The following G2E3 variants were observed in gnomAD, a reference collection of about 807,000 sequenced individuals.
G2E3 encodes the protein G2/M phase-specific E3 ubiquitin-protein ligase.
A neutral mutation model predicts 92.8 loss-of-function variants in G2E3; 35 were observed. The ratio of observed to expected loss-of-function variants is 0.38; its 90% CI spans 0.29 to 0.50. G2E3 has a LOEUF of 0.50. G2E3 is among the 20% of genes least tolerant of loss of function. G2E3 has a pLI of 0.94. For missense variants in G2E3, 554 were observed against 823.8 expected (o/e 0.67, Z 4.01); for synonymous variants, 242 against 272.4 (o/e 0.89, Z 1.10).
chr14:30,599,753 A>AAAT (rs1359958383), intron 8 of G2E3, among the ~76,000 whole-genome samples: 1 of 151,884 alleles, frequency 6.6e-6, no homozygotes, highest in Non-Finnish European at 1.5e-5. Flanking sequence ...TTGGAAATAA[A>AAAT]AATATATGTT....
At position 30,592,428 on chromosome 14, in the gene G2E3, C is replaced by G. The variant is rs755446876; in HGVS notation, c.343C>G (p.Gln115Glu). ...PCGLQRECIF[Q>E]FTGNFASFCW... Reference sequence around the variant, plus strand: ...TGGACTTCAGAGAGAATGTATTTTCCAGTTTACTGGCAATTTTGCGTGAGT... The same window carrying G: ...TGGACTTCAGAGAGAATGTATTTTCGAGTTTACTGGCAATTTTGCGTGAGT... Residue 115 changes from glutamine (Q) to glutamate (E), a missense_variant, in exon 5 of 15, where the codon CAG (glutamine) becomes GAG (glutamate). Gln to Glu is a conservative substitution (Grantham distance 29, BLOSUM62 2). Transcript: ENST00000206595. 1.1e-5 allele frequency: 18 copies of G among 1,584,122 alleles called. No homozygotes were observed. The highest frequency in any genetic ancestry group is 1.5e-5 in the Non-Finnish European group (18 of 1,169,316).
At chr14:30,615,660 AT>A in intron 14 of G2E3, 121 bp downstream of exon 14, 1 of 505,192 alleles carries the variant, frequency 2.0e-6, no homozygotes, top group South Asian at 5.5e-5. Context: ...CTAACTCCGT[AT>A]TTACAAAAGA....
intron 12 of G2E3, among the ~76,000 whole-genome samples, chr14:30,610,783 G>A (rs1882052498): frequency 6.6e-6 from 1 of 152,164 alleles, no homozygotes; most frequent in African/African-American, 2.4e-5. Flanking sequence ...CCATTGTCTA[G>A]ATTTTAGGGT....
chr14:30,575,031 A>G (rs1477227210), intron 1 of G2E3, among the ~76,000 whole-genome samples: 1 of 152,140 alleles, frequency 6.6e-6, no homozygotes, highest in Non-Finnish European at 1.5e-5. Context: ...ACTAATTTAC[A>G]CTACCACCAA....
chr14:30,597,603 AT>A, intron 7 of G2E3, 77 bp downstream of exon 7: 1 of 837,246 alleles, frequency 1.2e-6, no homozygotes. Flanking sequence ...ATGATCACTT[AT>A]GTCTGATTCA....
intron 6 of G2E3, among the ~76,000 whole-genome samples, chr14:30,593,882 A>G (rs1373377769): frequency 2.0e-5 from 3 of 152,186 alleles, no homozygotes; most frequent in Non-Finnish European, 4.4e-5. Flanking sequence ...TACTTAAAGA[A>G]TTTTGTTGTT....
At chr14:30,605,367 C>T (rs1881780935) in intron 10 of G2E3, 138 bp from the exon 11 acceptor site, 1 of 443,666 alleles carries the variant, frequency 2.3e-6, no homozygotes, top group Non-Finnish European at 4.0e-6. Context: ...GCCATTGTTA[C>T]AATTTTGGGT....
intron 7 of G2E3, 143 bp from the exon 8 acceptor site, chr14:30,598,340 T>C: frequency 1.8e-6 from 1 of 561,698 alleles, no homozygotes; most frequent in Non-Finnish European, 3.2e-6. Flanking sequence ...TGACCTGAGA[T>C]TGCACCACTG....
intron 12 of G2E3, among the ~76,000 whole-genome samples, chr14:30,610,897 T>G (rs1444661245): frequency 6.6e-6 from 1 of 152,238 alleles, no homozygotes; most frequent in Non-Finnish European, 1.5e-5. Flanking sequence ...CTGATCTGAC[T>G]GCTTTCACGC....
intron 10 of G2E3, among the ~76,000 whole-genome samples, chr14:30,602,364 G>T (rs1413681461): frequency 4.3e-5 from 2 of 46,458 alleles, no homozygotes; most frequent in East Asian, 2.4e-3. Flanking sequence ...TGGGAAAAGT[G>T]TATCTATCCT....
chr14:30,567,901 A>G (rs1036331651), intron 1 of G2E3, among the ~76,000 whole-genome samples: 1 of 151,956 alleles, frequency 6.6e-6, no homozygotes. Context: ...ATTGGAGAGG[A>G]TATTTTGTGT....
chr14:30,585,854 G>A (rs1032926385), intron 2 of G2E3, among the ~76,000 whole-genome samples: 12 of 152,190 alleles, frequency 7.9e-5, no homozygotes, highest in African/African-American at 2.6e-4. Flanking sequence ...CCAGAGGTGA[G>A]AGCTTAGGAT....
chr14:30,604,582 ATGCTGC>A (rs148435440), intron 10 of G2E3, among the ~76,000 whole-genome samples: 70 of 151,678 alleles, frequency 4.6e-4, no homozygotes, highest in African/African-American at 1.7e-3. Context: ...TTCTGGGGTA[ATGCTGC>A]TGCTGCTGCT....
intron 1 of G2E3, among the ~76,000 whole-genome samples, chr14:30,578,041 TGAAG>T (rs745420254): frequency 6.6e-6 from 1 of 152,182 alleles, no homozygotes; most frequent in Admixed American, 6.5e-5. Flanking sequence ...TTCATATTCT[TGAAG>T]GAAAACATCT....
rs1881905455 is a variant in G2E3 at position 30,607,868 on chromosome 14, A to C, written c.1319-20A>C. The C allele has an allele frequency of 7.1e-7, 1 of 1,412,034 alleles. No individual in the cohort carries two copies. The highest frequency in any genetic ancestry group is 1.4e-5 in the African/African-American group (1 of 69,144). The allele number at this position is 1,412,034 out of a possible 1,614,324, so 87.5% of individuals were successfully genotyped here. Reference sequence around the variant, plus strand: ...ATAATAATAGAAGTGTATTTGATATATTTTCATCTGTATTTACAGCTCTGA... The same window carrying C: ...ATAATAATAGAAGTGTATTTGATATCTTTTCATCTGTATTTACAGCTCTGA... On this transcript the variant is annotated intron_variant, in intron 11 of 14. Coordinates refer to ENST00000206595, the MANE Select transcript of G2E3 (RefSeq NM_017769.5).
At chr14:30,598,424 T>C in intron 7 of G2E3, 59 bp from the exon 8 acceptor site, 1 of 1,106,504 alleles carries the variant, frequency 9.0e-7, no homozygotes. Context: ...GATTCATTCC[T>C]GATCCTCTTA....
intron 1 of G2E3, among the ~76,000 whole-genome samples, chr14:30,565,913 G>C (rs113441398): frequency 0.017 from 2,542 of 151,754 alleles, 90 homozygotes; most frequent in African/African-American, 0.058. Context: ...CTGTCGCCTC[G>C]GCCTCCCAAA....
intron 1 of G2E3, among the ~76,000 whole-genome samples, chr14:30,570,105 G>GT (rs1001564927): frequency 2.0e-5 from 3 of 152,098 alleles, no homozygotes; most frequent in Non-Finnish European, 4.4e-5. Context: ...ACAGGTTTGG[G>GT]TTTTTTTCCT....
At chr14:30,568,403 C>T (rs1879564339) in intron 1 of G2E3, among the ~76,000 whole-genome samples, 1 of 152,062 alleles carries the variant, frequency 6.6e-6, no homozygotes, top group Admixed American at 6.6e-5. Flanking sequence ...AATTCATTTA[C>T]ATTTAATTAC....
Sources: allele counts gnomAD v4.1 joint callset (sites outside exome capture counted in the v4.1 genomes callset), GRCh38; gene constraint gnomAD v4.1.1; transcripts MANE v1.5; gene names NCBI Gene and HGNC (gene_info 2026-07-23, HGNC 2026-07-21).